MARCHF4: variants seen among roughly 807,000 people sequenced by gnomAD.
MARCHF4 encodes membrane associated ring-CH-type finger 4, also known as E3 ubiquitin-protein ligase MARCHF4.
MARCHF4 carries 14 observed loss-of-function variants against 43.9 expected under a neutral mutation model. The ratio of observed to expected loss-of-function variants is 0.32; its 90% CI spans 0.21 to 0.50. The LOEUF is 0.50. Among genes scored for constraint, MARCHF4 ranks in the 20% least tolerant of loss-of-function variants. MARCHF4 has a pLI of 0.98. For missense variants in MARCHF4, 468 were observed against 536.7 expected, an observed-to-expected ratio of 0.87 and a Z score of 1.27; for synonymous variants, 226 against 213.3, an observed-to-expected ratio of 1.06 and a Z score of -0.52.
rs73988378 is a variant in MARCHF4, at chr2:216,343,986, G to A, written c.516+25759C>T. On this transcript the variant is annotated intron_variant, in intron 1 of 3. Transcript: ENST00000273067. The stretch of plus-strand genomic sequence containing the variant: ...AGTGAGAATTGATCCAGTATGGATG[G>A]GGCCAGAGGAAGAAGCCACAGAGGA... 6.4e-3 allele frequency among the ~76,000 whole-genome samples: 981 copies of A among 152,288 alleles called. 9 individuals carry two copies. The highest frequency in any genetic ancestry group is 0.022 in the African/African-American group (934 of 41,580).
At chr2:216,301,584 A>G (rs1471597000) in intron 1 of MARCHF4, among the ~76,000 whole-genome samples, 8 of 152,242 alleles carry the variant, frequency 5.3e-5, no homozygotes, top group African/African-American at 1.9e-4. Context: ...TTTCACTCAA[A>G]TAAATTAATC....
At chr2:216,319,233 A>G (rs1691840050) in intron 1 of MARCHF4, among the ~76,000 whole-genome samples, 2 of 152,144 alleles carry the variant, frequency 1.3e-5, no homozygotes, top group South Asian at 4.1e-4. Context: ...GCTTAAACCC[A>G]AGAAGCAGAG....
intron 1 of MARCHF4, among the ~76,000 whole-genome samples, chr2:216,297,366 C>T (rs192300801): frequency 1.6e-4 from 24 of 152,230 alleles, no homozygotes; most frequent in Middle Eastern, 3.4e-3. Context: ...TTTCCCATTC[C>T]GATCCATATG....
At chr2:216,280,018 AC>A (rs760916889) in intron 2 of MARCHF4, among the ~76,000 whole-genome samples, 1 of 151,644 alleles carries the variant, frequency 6.6e-6, no homozygotes, top group Non-Finnish European at 1.5e-5. Context: ...CATCCCTAAA[AC>A]CCCTTCTACC....
At chr2:216,301,357 G>A (rs1163096145) in intron 1 of MARCHF4, among the ~76,000 whole-genome samples, 13 of 152,302 alleles carry the variant, frequency 8.5e-5, no homozygotes, top group South Asian at 6.2e-4. Flanking sequence ...GGAGCACGGA[G>A]CCTGTGAATC....
At chr2:216,323,125 A>G (rs1271943662) in intron 1 of MARCHF4, among the ~76,000 whole-genome samples, 3 of 152,136 alleles carry the variant, frequency 2.0e-5, no homozygotes, top group Admixed American at 6.5e-5. Flanking sequence ...TGTGTTCCTC[A>G]TTAGATGTTC....
At chr2:216,272,164 T>C (rs886415850) in intron 3 of MARCHF4, among the ~76,000 whole-genome samples, 1 of 152,038 alleles carries the variant, frequency 6.6e-6, no homozygotes, top group Non-Finnish European at 1.5e-5. Context: ...TGAATAAGTA[T>C]TTTTAAATTA....
At chr2:216,355,072 A>G (rs1297603135) in intron 1 of MARCHF4, among the ~76,000 whole-genome samples, 1 of 151,652 alleles carries the variant, frequency 6.6e-6, no homozygotes, top group Non-Finnish European at 1.5e-5. Flanking sequence ...CCCAGGTTCA[A>G]GTGATTCTCC....
At chr2:216,285,000 A>T (rs1281459982) in intron 1 of MARCHF4, among the ~76,000 whole-genome samples, 2 of 152,206 alleles carry the variant, frequency 1.3e-5, no homozygotes, top group East Asian at 3.9e-4. Flanking sequence ...CTGTTAGCAC[A>T]CTTGGCACAT....
chr2:216,354,932 TTTCTTTC>T (rs1692467982), intron 1 of MARCHF4, among the ~76,000 whole-genome samples: 1 of 134,590 alleles, frequency 7.4e-6, no homozygotes, highest in Non-Finnish European at 1.6e-5. Flanking sequence ...TCTTTCTTTC[TTTCTTTC>T]TTTCTTTCTT....
At chr2:216,276,739 T>C (rs1302822648) in intron 3 of MARCHF4, among the ~76,000 whole-genome samples, 1 of 152,202 alleles carries the variant, frequency 6.6e-6, no homozygotes, top group Non-Finnish European at 1.5e-5. Context: ...CTCCCAGGAC[T>C]GTGACTTAGG....
chr2:216,351,757 C>G (rs1443398591), intron 1 of MARCHF4, among the ~76,000 whole-genome samples: 1 of 152,244 alleles, frequency 6.6e-6, no homozygotes, highest in Non-Finnish European at 1.5e-5. Flanking sequence ...TAGACCTTGA[C>G]TGACTCATCT....
At chr2:216,267,938 C>A (rs965760068) in intron 3 of MARCHF4, among the ~76,000 whole-genome samples, 1 of 152,240 alleles carries the variant, frequency 6.6e-6, no homozygotes, top group African/African-American at 2.4e-5. Flanking sequence ...AAGCAACCAG[C>A]CACTTGGCTG....
At chr2:216,353,323 A>T (rs1290994898) in intron 1 of MARCHF4, among the ~76,000 whole-genome samples, 4 of 152,238 alleles carry the variant, frequency 2.6e-5, no homozygotes, top group East Asian at 1.9e-4. Flanking sequence ...TTCTCTAAAC[A>T]TTCTGGTAAA....
intron 1 of MARCHF4, among the ~76,000 whole-genome samples, chr2:216,288,519 C>T (rs954391329): frequency 8.5e-5 from 13 of 152,162 alleles, no homozygotes; most frequent in African/African-American, 3.1e-4. Flanking sequence ...TTCTAAGAGA[C>T]TCTGCCCTCC....
Position 216,314,472 on chromosome 2 carries a change from C to T in MARCHF4, c.517-30743G>A, listed in dbSNP as rs149970422. Among the ~76,000 whole-genome samples, 353 of 152,038 alleles carry T rather than the reference C, an allele frequency of 2.3e-3. 1 individual carries two copies. The highest frequency in any genetic ancestry group is 8.1e-3 in the African/African-American group (336 of 41,472). On this transcript the variant is annotated intron_variant, in intron 1 of 3. Coordinates refer to ENST00000273067, the MANE Select transcript of MARCHF4 (RefSeq NM_020814.3). Reference sequence around the variant, plus strand: ...CTGAGTAGCTGGGATTACAGGCACACGCCACCACGCCCAGCTAATTTTTGT... The same window carrying T: ...CTGAGTAGCTGGGATTACAGGCACATGCCACCACGCCCAGCTAATTTTTGT...
intron 1 of MARCHF4, among the ~76,000 whole-genome samples, chr2:216,284,052 G>C (rs1226927870): frequency 6.6e-6 from 1 of 152,184 alleles, no homozygotes; most frequent in African/African-American, 2.4e-5. Context: ...GGGGTGTCAG[G>C]CTGCAGAAGT....
At chr2:216,353,904 T>C (rs1231781099) in intron 1 of MARCHF4, among the ~76,000 whole-genome samples, 3 of 152,094 alleles carry the variant, frequency 2.0e-5, no homozygotes, top group Non-Finnish European at 2.9e-5. Context: ...CCTCCCACCA[T>C]AGAAACATGA....
chr2:216,321,327 G>T (rs1045976358), intron 1 of MARCHF4, among the ~76,000 whole-genome samples: 1 of 152,026 alleles, frequency 6.6e-6, no homozygotes, highest in Non-Finnish European at 1.5e-5. Flanking sequence ...TCATTTTGAG[G>T]TGTATGGATA....
Sources: gnomAD v4.1 joint callset for allele counts (sites outside exome capture counted in the v4.1 genomes callset) on GRCh38, gnomAD v4.1.1 for gene constraint, MANE v1.5 for transcripts, NCBI Gene and HGNC (gene_info 2026-07-23, HGNC 2026-07-21) for gene names.